Variants in CKAP5 observed in about 807,000 individuals in gnomAD.
CKAP5 encodes the protein cytoskeleton associated protein 5, also known as cytoskeleton-associated protein 5.
A neutral mutation model predicts 232.8 loss-of-function variants in CKAP5; 27 were observed. That is an observed-to-expected ratio of 0.12 (90% CI 0.09 to 0.16). The LOEUF (loss-of-function observed/expected upper bound fraction) is 0.16. Ranked by LOEUF, CKAP5 falls within the 10% of genes least tolerant of loss-of-function variation. CKAP5 has a pLI of 1.00. For missense variants in CKAP5, 1,838 were observed against 2,424.7 expected, an observed-to-expected ratio of 0.76 and a Z score of 5.08; for synonymous variants, 785 against 841.1, an observed-to-expected ratio of 0.93 and a Z score of 1.16.
rs370734058 is a variant in CKAP5, at chr11:46,762,710, C to T, written c.3944G>A (p.Arg1315Gln). 5 of 1,613,944 alleles carry T rather than the reference C, an allele frequency of 3.1e-6. No homozygotes were observed. The highest frequency in any genetic ancestry group is 2.5e-6 in the Non-Finnish European group (3 of 1,179,826). ...GCTAGCTGGGTAGACAAGGCACATC[C>T]GGTTCAGGATGGCACGAACATCTTT... is the stretch of plus-strand genomic sequence containing the variant. ...IRKDVRAILNRMCLVYPASKM... is the reference protein window; with the variant it reads ...IRKDVRAILNQMCLVYPASKM... The change falls in exon 31 of 44, where the codon CGG (arginine) becomes CAG (glutamine). Residue 1315 changes from arginine (R) to glutamine (Q), a missense_variant. Arg to Gln is a conservative substitution (Grantham distance 43). Transcript: ENST00000529230.
chr11:46,826,773 A>C (rs1376117791), intron 1 of CKAP5: 1 of 153,676 alleles, frequency 6.5e-6, no homozygotes, highest in Admixed American at 6.5e-5. Context: ...CTCCCCGGGC[A>C]GGGAGAGGTC....
rs1247877812 is a variant in CKAP5 at position 46,763,705 on chromosome 11, G to C, written c.3538-75C>G. On this transcript the variant is annotated intron_variant, in intron 28 of 43. Coordinates refer to ENST00000529230, the MANE Select transcript of CKAP5 (RefSeq NM_001008938.4). ...GAGGTAGAGAGCCTTATATAATGCA[G>C]CTGCAGGAACAATAAAATATTTAAA... 13 of 924,420 alleles carry C rather than the reference G, an allele frequency of 1.4e-5. No individual in the cohort carries two copies. The Admixed American group carries it at 4.0e-4, about 29-fold the overall frequency. 57.3% of individuals were successfully genotyped at this position (924,420 alleles called of 1,614,324 possible).
intron 1 of CKAP5, among the ~76,000 whole-genome samples, chr11:46,837,894 A>G (rs973028919): frequency 6.6e-6 from 1 of 152,218 alleles, no homozygotes; most frequent in Non-Finnish European, 1.5e-5. Flanking sequence ...CCACCCTAAG[A>G]TCAAGGAACT....
chr11:46,797,763 CTAGG>C (rs755239069), intron 11 of CKAP5, 38 bp downstream of exon 11: 1 of 1,560,528 alleles, frequency 6.4e-7, no homozygotes, highest in Non-Finnish European at 8.7e-7. Context: ...AGAATCTTGC[CTAGG>C]TATAAAATAT....
At chr11:46,811,497 A>T (rs1328079159) in intron 4 of CKAP5, among the ~76,000 whole-genome samples, 1 of 151,930 alleles carries the variant, frequency 6.6e-6, no homozygotes, top group Admixed American at 6.6e-5. Context: ...TCTTTTTCAG[A>T]TGGCATTTTG....
At chr11:46,783,775 G>A (rs906342776) in intron 17 of CKAP5, among the ~76,000 whole-genome samples, 2 of 151,738 alleles carry the variant, frequency 1.3e-5, no homozygotes, top group Non-Finnish European at 2.9e-5. Context: ...GCGTGATCTC[G>A]GCTCACTGCC....
chr11:46,832,578 TC>T (rs1483323693), intron 1 of CKAP5, among the ~76,000 whole-genome samples: 1 of 152,194 alleles, frequency 6.6e-6, no homozygotes, highest in East Asian at 1.9e-4. Flanking sequence ...TTCATGTTGC[TC>T]CCTATTTAAC....
At chr11:46,835,973 C>T (rs1465012338) in intron 1 of CKAP5, among the ~76,000 whole-genome samples, 1 of 152,262 alleles carries the variant, frequency 6.6e-6, no homozygotes, top group Middle Eastern at 3.4e-3. Context: ...TCCAAAAACA[C>T]GTAATTCTTG....
Position 46,760,751 on chromosome 11 carries a change from TCTC to T in CKAP5, c.4252_4254del (p.Glu1418del). 2 of 1,614,174 alleles carry T rather than the reference TCTC, an allele frequency of 1.2e-6. No homozygotes were observed. Among genetic ancestry groups the T allele is most frequent in the Non-Finnish European group, 1.7e-6 (2 of 1,180,022 alleles). Reference sequence around the variant, plus strand: ...GGTCTCTTTGCTGACCGCTTAATCCTCTCCTCGAGCATGCTCATATCCTTTTCA... The same window carrying T: ...GGTCTCTTTGCTGACCGCTTAATCCTCTCGAGCATGCTCATATCCTTTTCA... On this transcript the variant is annotated inframe_deletion, in exon 33 of 44. Transcript: ENST00000529230.
At chr11:46,772,203 A>G (rs1298362891) in intron 24 of CKAP5, among the ~76,000 whole-genome samples, 1 of 151,626 alleles carries the variant, frequency 6.6e-6, no homozygotes, top group Non-Finnish European at 1.5e-5. Context: ...TATATTCTAG[A>G]TATTAGTCCT....
intron 1 of CKAP5, among the ~76,000 whole-genome samples, chr11:46,830,814 G>A (rs935276068): frequency 3.0e-4 from 45 of 152,174 alleles, no homozygotes; most frequent in African/African-American, 1.0e-3. Context: ...TGTAATCCCA[G>A]CACTTTGGGA....
Position 46,770,784 on chromosome 11 carries a change from G to A in CKAP5, c.3186+4C>T. 1.9e-6 allele frequency: 3 copies of A among 1,612,246 alleles called. No individual in the cohort carries two copies. Among genetic ancestry groups the A allele is most frequent in the Non-Finnish European group, 2.5e-6 (3 of 1,179,082 alleles). On this transcript the variant is annotated splice_donor_region_variant and intron_variant, in intron 25 of 43. Coordinates refer to ENST00000529230, the MANE Select transcript of CKAP5 (RefSeq NM_001008938.4). Reference sequence around the variant, plus strand: ...ACAGCAGTAGCAGCAACAAGAAGTAGTACCTTTAGTTTCCCAGTAGCCTTG... The same window carrying A: ...ACAGCAGTAGCAGCAACAAGAAGTAATACCTTTAGTTTCCCAGTAGCCTTG...
At chr11:46,771,932 C>G (rs1480829015) in intron 24 of CKAP5, among the ~76,000 whole-genome samples, 1 of 152,012 alleles carries the variant, frequency 6.6e-6, no homozygotes, top group Admixed American at 6.6e-5. Flanking sequence ...CAGCATTTCA[C>G]GTTACCATTA....
Position 46,767,607 on chromosome 11 carries a change from C to T in CKAP5, c.3379G>A (p.Ala1127Thr). Residue 1127 changes from alanine to threonine, a missense_variant, in exon 27 of 44, where the codon GCC (alanine) becomes ACC (threonine). By Grantham distance (58) the Ala-to-Thr change is moderately conservative (BLOSUM62 0). This residue lies in a region of CKAP5 where 767 missense variants were observed against 954.6 expected (regional missense o/e 0.80). Coordinates refer to ENST00000529230, the MANE Select transcript of CKAP5 (RefSeq NM_001008938.4). ...STEPKPDPKK[A>T]KAPGLSSKAK... ...TTAGAGGATAATCCTGGAGCTTTGG[C>T]CTTTTTTGGATCAGGTTTGGGTTCT... 6.2e-7 allele frequency: 1 copy of T among 1,612,564 alleles called. No individual in the cohort carries two copies. The highest frequency in any genetic ancestry group is 1.1e-5 in the South Asian group (1 of 90,920).
chr11:46,781,868 G>A lies in CKAP5; in HGVS notation c.2250-1383C>T, dbSNP rs189659760. Among the ~76,000 whole-genome samples, 1,281 of 152,006 alleles carry A rather than the reference G, an allele frequency of 8.4e-3. 6 individuals are homozygous for A. The highest frequency in any genetic ancestry group is 0.014 in the Non-Finnish European group (960 of 67,974). ...GAGATGGAGTTTTGTTCTTGTTGCCGAGGCTGGAGAGCAATGGCATGATCT... is the reference window on the plus strand; with the variant it reads ...GAGATGGAGTTTTGTTCTTGTTGCCAAGGCTGGAGAGCAATGGCATGATCT... On this transcript the variant is annotated intron_variant, in intron 18 of 43. Coordinates refer to ENST00000529230, the MANE Select transcript of CKAP5 (RefSeq NM_001008938.4).
intron 35 of CKAP5, among the ~76,000 whole-genome samples, chr11:46,755,880 G>T (rs1298123753): frequency 6.6e-6 from 1 of 152,160 alleles, no homozygotes; most frequent in Non-Finnish European, 1.5e-5. Flanking sequence ...AGTGAACCGA[G>T]ATCACGACAC....
chr11:46,822,378 C>A (rs775095326), intron 1 of CKAP5, among the ~76,000 whole-genome samples: 7 of 152,122 alleles, frequency 4.6e-5, no homozygotes, highest in Non-Finnish European at 5.9e-5. Flanking sequence ...AACTGAATTG[C>A]TGAGCTAAAT....
At chr11:46,777,920 C>T (rs1039622113) in intron 22 of CKAP5, among the ~76,000 whole-genome samples, 1 of 152,088 alleles carries the variant, frequency 6.6e-6, no homozygotes, top group African/African-American at 2.4e-5. Context: ...TATTGGATTC[C>T]TGCAAAAAGC....
rs138443179 is a variant in CKAP5 at position 46,816,379 on chromosome 11, C to T, written c.277G>A (p.Val93Ile). 2.9e-4 allele frequency: 466 copies of T among 1,614,006 alleles called. 3 individuals are homozygous for T. In the African/African-American group the frequency reaches 5.2e-3, roughly 18 times the overall value. Residue 93 changes from valine to isoleucine, a missense_variant, in exon 4 of 44, where the codon GTT becomes ATT. Coordinates refer to ENST00000529230, the MANE Select transcript of CKAP5 (RefSeq NM_001008938.4). ...GKTTGEVVSG[V>I]VSKVFNQPKA... ...GGTTGATTGAACACCTTACTTACAA[C>T]ACCTGACACAACTTCTCCTGTGGTT...
Sources: allele counts gnomAD v4.1 joint callset (sites outside exome capture counted in the v4.1 genomes callset), GRCh38; gene constraint gnomAD v4.1.1; regional missense constraint gnomAD v4.1.1; transcripts MANE v1.5; gene names NCBI Gene and HGNC (gene_info 2026-07-23, HGNC 2026-07-21).